The following DPP6 variants were observed in gnomAD, a reference collection of about 807,000 sequenced individuals.
DPP6 encodes the protein A-type potassium channel modulatory protein DPP6.
In DPP6, 69 loss-of-function variants were observed where a neutral mutation model predicts 122.6. The observed-to-expected ratio is 0.56, with a 90% CI of 0.46 to 0.69. The LOEUF is 0.69. Ranked by LOEUF, DPP6 falls within the 30% of genes least tolerant of loss-of-function variation. The pLI, the probability that DPP6 is intolerant of heterozygous loss-of-function variation, is 0.00. For synonymous variants in DPP6, 418 were observed against 433.1 expected (o/e 0.97, Z 0.43); for missense variants, 928 against 1,116.9 (o/e 0.83, Z 2.41).
chr7:154,263,744 A>G (rs938446773), intron 1 of DPP6, among the ~76,000 whole-genome samples: 4 of 152,050 alleles, frequency 2.6e-5, no homozygotes, highest in African/African-American at 9.7e-5. Flanking sequence ...CTGGAGTGCA[A>G]TGGCACGATC....
At position 154,780,926 on chromosome 7, in the gene DPP6, T is replaced by C. The variant is rs563073915; in HGVS notation, c.1136+7984T>C. 1.4e-4 allele frequency among the ~76,000 whole-genome samples: 22 copies of C among 152,002 alleles called. 1 individual carries two copies. The South Asian group carries it at 3.7e-3, about 26-fold the overall frequency. ...CATGATGGATGGGTAAGGGGATAGA[T>C]AGATGAATAGGTGGATAGATGGATA... On this transcript the variant is annotated intron_variant, in intron 10 of 25. Coordinates refer to ENST00000377770, the MANE Select transcript of DPP6 (RefSeq NM_130797.4).
In DPP6 at chr7:154,666,215, A is replaced by G. The variant is rs1181587548; in HGVS notation, c.681-3145A>G. 6.0e-5 allele frequency among the ~76,000 whole-genome samples: 9 copies of G among 150,256 alleles called. No homozygotes were observed. In the South Asian group the frequency reaches 1.0e-3, roughly 17 times the overall value. ...TATATATATATACACATATACATAC[A>G]TACATACATACATACATACTATAAC... On this transcript the variant is annotated intron_variant, in intron 6 of 25. Transcript: ENST00000377770.
chr7:154,646,392 C>T (rs563038182), intron 6 of DPP6, among the ~76,000 whole-genome samples: 1 of 152,274 alleles, frequency 6.6e-6, no homozygotes, highest in South Asian at 2.1e-4. Flanking sequence ...CCTCTATTGA[C>T]TTCATTCTCC....
chr7:153,823,857 G>A, the DPP6 span, among the ~76,000 whole-genome samples: 1 of 152,054 alleles, frequency 6.6e-6, no homozygotes, highest in Non-Finnish European at 1.5e-5. Context: ...ATTCCCCCAC[G>A]ACAATAGGGG....
intron 10 of DPP6, among the ~76,000 whole-genome samples, chr7:154,779,598 C>T (rs1287833296): frequency 2.0e-5 from 3 of 152,212 alleles, no homozygotes; most frequent in South Asian, 4.1e-4. Flanking sequence ...GTCACGCCTA[C>T]TGTATTTCCC....
chr7:153,824,835 A>G, the DPP6 span, among the ~76,000 whole-genome samples: 1 of 152,254 alleles, frequency 6.6e-6, no homozygotes, highest in South Asian at 2.1e-4. Context: ...TTCCTCAAAC[A>G]TTTAACAGAT....
At chr7:154,252,235 T>TGTGTGTGTGCGC (rs60245069) in intron 1 of DPP6, among the ~76,000 whole-genome samples, 28 of 149,446 alleles carry the variant, frequency 1.9e-4, no homozygotes, top group African/African-American at 4.3e-4. Context: ...TGTGTGTGTG[T>TGTGTGTGTGCGC]GCGCGCATGC....
the DPP6 span, among the ~76,000 whole-genome samples, chr7:153,775,112 CA>C: frequency 6.8e-6 from 1 of 145,994 alleles, no homozygotes; most frequent in African/African-American, 2.6e-5. Context: ...AACTAAAAAC[CA>C]ATATCCCTCA....
chr7:154,796,108 A>T (rs2150436428), intron 12 of DPP6: 1 of 603,680 alleles, frequency 1.7e-6, no homozygotes, highest in South Asian at 3.1e-5. Context: ...TCGTGTGAAA[A>T]TCACGGCTCT....
At chr7:154,424,453 C>T (rs1344224312) in intron 1 of DPP6, among the ~76,000 whole-genome samples, 1 of 152,168 alleles carries the variant, frequency 6.6e-6, no homozygotes, top group Non-Finnish European at 1.5e-5. Context: ...CATGTCTTGG[C>T]TCACGGCTCT....
chr7:154,535,386 ATTTT>A (rs34372202), intron 3 of DPP6, among the ~76,000 whole-genome samples: 52 of 149,998 alleles, frequency 3.5e-4, no homozygotes, highest in Admixed American at 1.6e-3. Context: ...TTCACTTTAG[ATTTT>A]TTTTTTTTAT....
intron 1 of DPP6, among the ~76,000 whole-genome samples, chr7:153,979,028 T>C (rs1038471362): frequency 2.0e-5 from 3 of 152,158 alleles, no homozygotes; most frequent in Non-Finnish European, 4.4e-5. Flanking sequence ...CTATATGGGC[T>C]CTTTTTTCGG....
intron 1 of DPP6, among the ~76,000 whole-genome samples, chr7:154,205,528 C>A (rs974057583): frequency 2.0e-5 from 3 of 152,122 alleles, no homozygotes; most frequent in Non-Finnish European, 4.4e-5. Flanking sequence ...TTGGAGGAAT[C>A]CTGATTCTGA....
chr7:154,561,064 C>G (rs1336328921), intron 4 of DPP6, among the ~76,000 whole-genome samples: 2 of 151,840 alleles, frequency 1.3e-5, no homozygotes, highest in African/African-American at 4.8e-5. Flanking sequence ...CTTAAGAATC[C>G]TAAAGATGTA....
intron 16 of DPP6, among the ~76,000 whole-genome samples, chr7:154,829,990 G>A (rs769880376): frequency 3.3e-5 from 5 of 152,138 alleles, no homozygotes; most frequent in Non-Finnish European, 5.9e-5. Context: ...TGCTCTTGCC[G>A]CTGCCGTTCT....
At chr7:153,920,285 C>G (rs1563007999) in intron 1 of DPP6, among the ~76,000 whole-genome samples, 1 of 152,194 alleles carries the variant, frequency 6.6e-6, no homozygotes, top group Non-Finnish European at 1.5e-5. Context: ...AAAGTTCTTT[C>G]CTGTGTCCGG....
chr7:154,276,493 CCT>C (rs1314419682), intron 1 of DPP6, among the ~76,000 whole-genome samples: 1 of 152,138 alleles, frequency 6.6e-6, no homozygotes, highest in East Asian at 1.9e-4. Flanking sequence ...ATTATTCTGA[CCT>C]CACAATAGAA....
rs531103276 is a variant in DPP6, at chr7:154,353,209, G to T, written c.244-93005G>T. Among the ~76,000 whole-genome samples the T allele has an allele frequency of 6.2e-4, 94 of 152,192 alleles. 1 individual carries two copies. The highest frequency in any genetic ancestry group is 2.9e-4 in the Non-Finnish European group (20 of 68,042). ...TGTGAAGTTCTGTTTAAAGAAGCAGGCCTGGGATTTGCTTACTATTCAGTG... is the reference window on the plus strand; with the variant it reads ...TGTGAAGTTCTGTTTAAAGAAGCAGTCCTGGGATTTGCTTACTATTCAGTG... On this transcript the variant is annotated intron_variant, in intron 1 of 25. Coordinates refer to ENST00000377770, the MANE Select transcript of DPP6 (RefSeq NM_130797.4).
rs547875199 is a variant in DPP6, at chr7:154,883,587, C to G, written c.2134-2046C>G. On this transcript the variant is annotated intron_variant, in intron 21 of 25. Coordinates refer to ENST00000377770, the MANE Select transcript of DPP6 (RefSeq NM_130797.4). The stretch of plus-strand genomic sequence containing the variant: ...ATACACATACATGCTCACCCATACA[C>G]CTGCTCACACACACATGCTCACCCA... 1.1e-4 allele frequency: 16 copies of G among 148,868 alleles called. 1 individual carries two copies. Among genetic ancestry groups the G allele is most frequent in the African/African-American group, 3.7e-4 (15 of 40,030 alleles). The allele number at this position is 148,868 out of a possible 1,614,324, so 9.2% of individuals were successfully genotyped here.
Sources: allele counts gnomAD v4.1 joint callset (sites outside exome capture counted in the v4.1 genomes callset), GRCh38; gene constraint gnomAD v4.1.1; transcripts MANE v1.5; gene names NCBI Gene and HGNC (gene_info 2026-07-23, HGNC 2026-07-21).